UTRN: variants seen among roughly 807,000 people sequenced by gnomAD.
The protein encoded by UTRN is dystrophin-related protein 1.
UTRN carries 283 observed loss-of-function variants against 463.9 expected under a neutral mutation model. The observed-to-expected ratio is 0.61, with a 90% CI of 0.55 to 0.67. UTRN has a LOEUF of 0.67. UTRN is among the 30% of genes least tolerant of loss of function. The pLI is 0.00. For synonymous variants in UTRN, 1,442 were observed against 1,431.5 expected (o/e 1.01, Z -0.17); for missense variants, 3,922 against 4,084.3 (o/e 0.96, Z 1.08).
intron 57 of UTRN, among the ~76,000 whole-genome samples, chr6:144,755,361 T>G (rs1459327025): frequency 6.6e-6 from 1 of 152,188 alleles, no homozygotes; most frequent in Non-Finnish European, 1.5e-5. Context: ...ATTGATAAAT[T>G]TATGGACTAT....
chr6:144,298,487 G>A (rs989370037), intron 2 of UTRN, among the ~76,000 whole-genome samples: 8 of 149,688 alleles, frequency 5.3e-5, no homozygotes, highest in Admixed American at 4.6e-4. Flanking sequence ...CTCTTGGCCC[G>A]GTTCATAAGG....
At chr6:144,765,829 T>C (rs1212063355) in intron 58 of UTRN, among the ~76,000 whole-genome samples, 3 of 152,152 alleles carry the variant, frequency 2.0e-5, no homozygotes, top group Non-Finnish European at 4.4e-5. Context: ...GACTCTAAAC[T>C]TTTGCAGTAC....
intron 2 of UTRN, among the ~76,000 whole-genome samples, chr6:144,342,501 C>T (rs1211224782): frequency 6.6e-6 from 1 of 152,004 alleles, no homozygotes; most frequent in Non-Finnish European, 1.5e-5. Context: ...CTGATAAATA[C>T]ATAATAAAAT....
At chr6:144,510,551 G>A (rs1403693558) in intron 34 of UTRN, among the ~76,000 whole-genome samples, 1 of 152,122 alleles carries the variant, frequency 6.6e-6, no homozygotes, top group African/African-American at 2.4e-5. Flanking sequence ...ATTTTTTTAA[G>A]TTGTGAGTTC....
chr6:144,652,593 A>G (rs892093767), intron 51 of UTRN, among the ~76,000 whole-genome samples: 11 of 152,220 alleles, frequency 7.2e-5, no homozygotes, highest in Non-Finnish European at 1.0e-4. Context: ...ATGGATTTTT[A>G]TAAACATTCC....
rs1204895719 is a variant in UTRN, at chr6:144,444,362, C to G, written c.1594C>G (p.Gln532Glu). 2 of 1,608,942 alleles carry G rather than the reference C, an allele frequency of 1.2e-6. No individual in the cohort carries two copies. The highest frequency in any genetic ancestry group is 2.2e-5 in the East Asian group (1 of 44,534). ...NRLQEINILW[Q>E]ELLEEQCLLK... Reference sequence around the variant, plus strand: ...GTTACAAGAAATCAATATATTGTGGCAGGAATTATTGGAAGAACAGGTATG... The same window carrying G: ...GTTACAAGAAATCAATATATTGTGGGAGGAATTATTGGAAGAACAGGTATG... Residue 532 changes from glutamine to glutamate, a missense_variant, in exon 14 of 75, where the codon CAG becomes GAG. Gln to Glu is a conservative substitution (Grantham distance 29, BLOSUM62 2). This residue lies in a region of UTRN where 2,349 missense variants were observed against 2,303.8 expected (regional missense o/e 1.02). Transcript: ENST00000367545.
At chr6:144,779,084 G>T (rs1017565777) in intron 60 of UTRN, among the ~76,000 whole-genome samples, 6 of 152,194 alleles carry the variant, frequency 3.9e-5, no homozygotes, top group Non-Finnish European at 7.3e-5. Flanking sequence ...GGAGACTTCA[G>T]AAAGAAATGC....
intron 2 of UTRN, among the ~76,000 whole-genome samples, chr6:144,313,355 GA>G (rs111286897): frequency 0.084 from 10,325 of 123,346 alleles, 498 homozygotes; most frequent in African/African-American, 0.17. Flanking sequence ...TTCTGATACT[GA>G]AAAAAAAAAA....
intron 51 of UTRN, among the ~76,000 whole-genome samples, chr6:144,677,765 C>T (rs1025482288): frequency 7.2e-5 from 11 of 152,190 alleles, no homozygotes; most frequent in Non-Finnish European, 1.3e-4. Context: ...ACCACATCCT[C>T]GCCAGCACCT....
At chr6:144,442,620 G>C (rs1224022899) in intron 13 of UTRN, among the ~76,000 whole-genome samples, 1 of 146,646 alleles carries the variant, frequency 6.8e-6, no homozygotes. Context: ...GGCAAAGAGA[G>C]AGAGCTTGTG....
At chr6:144,450,080 C>T (rs1301223788) in intron 17 of UTRN, among the ~76,000 whole-genome samples, 2 of 152,174 alleles carry the variant, frequency 1.3e-5, no homozygotes, top group African/African-American at 4.8e-5. Flanking sequence ...CCTCTCAAAC[C>T]TGTCCTTTCG....
At chr6:144,583,559 A>G (rs1402070408) in intron 51 of UTRN, 6 of 715,046 alleles carry the variant, frequency 8.4e-6, no homozygotes, top group Non-Finnish European at 1.3e-5. Flanking sequence ...TCGCTTACAA[A>G]GGATGGCAGT....
At chr6:144,578,381 CTGGAG>C (rs2128625250) in intron 51 of UTRN, among the ~76,000 whole-genome samples, 1 of 152,286 alleles carries the variant, frequency 6.6e-6, no homozygotes, top group South Asian at 2.1e-4. Flanking sequence ...GTTGCCCAGG[CTGGAG>C]TGTAGTGGTG....
intron 13 of UTRN, among the ~76,000 whole-genome samples, chr6:144,442,723 A>G (rs529752793): frequency 4.5e-4 from 68 of 152,312 alleles, no homozygotes; most frequent in African/African-American, 1.6e-3. Flanking sequence ...CCATGCTTCA[A>G]TTACCTCCCA....
intron 47 of UTRN, among the ~76,000 whole-genome samples, chr6:144,550,263 C>T (rs753331956): frequency 6.6e-6 from 1 of 151,972 alleles, no homozygotes; most frequent in Non-Finnish European, 1.5e-5. Context: ...ATATTTGACA[C>T]CAAAGGAGTA....
At chr6:144,571,812 T>C (rs1223122303) in intron 50 of UTRN, among the ~76,000 whole-genome samples, 2 of 152,192 alleles carry the variant, frequency 1.3e-5, no homozygotes, top group African/African-American at 4.8e-5. Context: ...TCCAGTGACC[T>C]GACAGTACAA....
At chr6:144,433,680 A>T (rs1177806323) in intron 9 of UTRN, among the ~76,000 whole-genome samples, 1 of 151,270 alleles carries the variant, frequency 6.6e-6, no homozygotes, top group African/African-American at 2.4e-5. Flanking sequence ...GCGGCCGGGC[A>T]GAGGCACTCC....
intron 2 of UTRN, among the ~76,000 whole-genome samples, chr6:144,389,671 T>C (rs1385085046): frequency 6.6e-6 from 1 of 152,026 alleles, no homozygotes; most frequent in East Asian, 1.9e-4. Context: ...TGATCTCGGC[T>C]CACTGCAACC....
chr6:144,781,841 A>G, intron 60 of UTRN, 81 bp from the exon 61 acceptor site: 8 of 1,028,320 alleles, frequency 7.8e-6, no homozygotes, highest in Non-Finnish European at 1.1e-5. Context: ...ACTTGAGACT[A>G]GAAATGCCTT....
Sources: gnomAD v4.1 joint callset for allele counts (sites outside exome capture counted in the v4.1 genomes callset) on GRCh38, gnomAD v4.1.1 for gene constraint, gnomAD v4.1.1 regional missense constraint, MANE v1.5 for transcripts, NCBI Gene and HGNC (gene_info 2026-07-23, HGNC 2026-07-21) for gene names.